The following LARGE1 variants were observed in gnomAD, a reference collection of about 807,000 sequenced individuals.
LARGE1 encodes LARGE xylosyl- and glucuronyltransferase 1.
A neutral mutation model predicts 87.6 loss-of-function variants in LARGE1; 43 were observed. The observed-to-expected ratio is 0.49, with a 90% CI of 0.38 to 0.63. The LOEUF (loss-of-function observed/expected upper bound fraction) is 0.63. Among genes scored for constraint, LARGE1 ranks in the 30% least tolerant of loss-of-function variants. The probability of loss-of-function intolerance (pLI) is 0.00; values close to 1 mark genes in which losing one functional copy is unlikely to be tolerated. For synonymous variants in LARGE1, 434 were observed against 394.6 expected (o/e 1.10, Z -1.18); for missense variants, 802 against 1,000.2 (o/e 0.80, Z 2.67).
intron 5 of LARGE1, among the ~76,000 whole-genome samples, chr22:33,580,376 G>GAA (rs796177762): frequency 7.4e-6 from 1 of 134,330 alleles, no homozygotes; most frequent in Admixed American, 7.5e-5. Flanking sequence ...CACAAAAAAA[G>GAA]AAAAAAAAAA....
At chr22:33,484,541 T>G (rs1288207013) in intron 6 of LARGE1, among the ~76,000 whole-genome samples, 2 of 152,224 alleles carry the variant, frequency 1.3e-5, no homozygotes, top group Non-Finnish European at 2.9e-5. Context: ...TTTGAAGGGC[T>G]GTGACTCTTT....
At chr22:33,314,377 C>T (rs1935927959) in intron 11 of LARGE1, among the ~76,000 whole-genome samples, 1 of 152,154 alleles carries the variant, frequency 6.6e-6, no homozygotes, top group Admixed American at 6.5e-5. Context: ...AGCAAGGAAT[C>T]CACTTCCCTG....
In LARGE1 at chr22:33,743,651, T is replaced by A. The variant is rs902021999; in HGVS notation, c.106+17720A>T. The stretch of plus-strand genomic sequence containing the variant: ...TGTCCACCATAGATCATTCTCTATA[T>A]AGAAGCCAGGCTTATTATTGCTCTT... On this transcript the variant is annotated intron_variant, in intron 2 of 14. Transcript: ENST00000397394. Among the ~76,000 whole-genome samples the A allele has an allele frequency of 4.6e-5, 7 of 152,210 alleles. No homozygotes were observed. The East Asian group carries it at 7.7e-4, about 17-fold the overall frequency.
intron 3 of LARGE1, among the ~76,000 whole-genome samples, 200 bp from the exon 4 acceptor site, chr22:33,626,526 C>T (rs1420225459): frequency 6.6e-6 from 1 of 152,160 alleles, no homozygotes; most frequent in Non-Finnish European, 1.5e-5. Flanking sequence ...GAGCTATTAT[C>T]ATTTGGAAAC....
At chr22:33,635,567 T>C (rs756770042) in intron 3 of LARGE1, among the ~76,000 whole-genome samples, 2 of 152,090 alleles carry the variant, frequency 1.3e-5, no homozygotes, top group Non-Finnish European at 2.9e-5. Context: ...AGAATTTCTA[T>C]ACAGCATTTT....
Position 33,338,870 on chromosome 22 carries a change from G to A in LARGE1, c.1132-1069C>T, listed in dbSNP as rs577656173. On this transcript the variant is annotated intron_variant, in intron 9 of 14. Coordinates refer to ENST00000397394, the MANE Select transcript of LARGE1 (RefSeq NM_133642.5). ...GACGATCAAGAATAAATGAGAGGCC[G>A]GGTGCGGTGGCTCATGCCTGTAATG... is the stretch of plus-strand genomic sequence containing the variant. 4.6e-5 allele frequency among the ~76,000 whole-genome samples: 7 copies of A among 152,228 alleles called. No individual in the cohort carries two copies. The South Asian group carries it at 1.0e-3, about 23-fold the overall frequency.
chr22:33,695,382 G>A (rs150240960), intron 2 of LARGE1, among the ~76,000 whole-genome samples: 159 of 152,270 alleles, frequency 1.0e-3, no homozygotes, highest in African/African-American at 3.7e-3. Flanking sequence ...GGGATACCCA[G>A]CCGTGATTTT....
At chr22:33,643,610 C>T (rs2080511660) in intron 3 of LARGE1, among the ~76,000 whole-genome samples, 1 of 152,048 alleles carries the variant, frequency 6.6e-6, no homozygotes, top group Non-Finnish European at 1.5e-5. Context: ...TCAAAAAAAT[C>T]AGTGAATCCA....
chr22:33,240,963 T>C (rs1056846469), intron 11 of LARGE1, among the ~76,000 whole-genome samples: 1 of 152,134 alleles, frequency 6.6e-6, no homozygotes, highest in Non-Finnish European at 1.5e-5. Context: ...ACAACTTACC[T>C]CCAAATTCAG....
At chr22:33,804,529 C>T (rs1005552138) in intron 1 of LARGE1, among the ~76,000 whole-genome samples, 1 of 152,214 alleles carries the variant, frequency 6.6e-6, no homozygotes, top group African/African-American at 2.4e-5. Context: ...CAGTTCAGCT[C>T]CCTGCTGCTC....
At chr22:33,277,302 G>C in intron 13 of LARGE1, 47 bp from the exon 14 acceptor site, 3 of 1,577,954 alleles carry the variant, frequency 1.9e-6, no homozygotes, top group Non-Finnish European at 2.6e-6. Context: ...AGGAAGCCAA[G>C]CTCTCCAAAT....
At chr22:33,573,512 C>G (rs775875600) in intron 5 of LARGE1, among the ~76,000 whole-genome samples, 6 of 152,136 alleles carry the variant, frequency 3.9e-5, no homozygotes, top group Non-Finnish European at 8.8e-5. Context: ...CAGTTTAGCT[C>G]AGTTGAGATC....
chr22:33,722,020 G>A (rs1006233767), intron 2 of LARGE1, among the ~76,000 whole-genome samples: 9 of 152,202 alleles, frequency 5.9e-5, no homozygotes, highest in African/African-American at 2.2e-4. Flanking sequence ...GGGAGGTCAA[G>A]GCGGTTGGAT....
intron 1 of LARGE1, among the ~76,000 whole-genome samples, chr22:33,786,410 G>A (rs990387180): frequency 2.6e-5 from 4 of 152,158 alleles, no homozygotes; most frequent in African/African-American, 9.7e-5. Context: ...AATTAGATTT[G>A]GTCCCTGGAA....
intron 2 of LARGE1, among the ~76,000 whole-genome samples, chr22:33,754,920 G>T (rs1345040852): frequency 6.6e-6 from 1 of 152,152 alleles, no homozygotes; most frequent in Non-Finnish European, 1.5e-5. Context: ...GCTGAGGGAT[G>T]GGGGAGCAGA....
chr22:33,156,020 C>A, the LARGE1 span, among the ~76,000 whole-genome samples: 1 of 152,074 alleles, frequency 6.6e-6, no homozygotes, highest in Non-Finnish European at 1.5e-5. Flanking sequence ...GCACAGAAGT[C>A]AAAAAATGAA....
chr22:33,304,286 T>C lies in LARGE1; in HGVS notation c.1673A>G (p.Tyr558Cys). The change falls in exon 12 of 15, where the codon TAC (tyrosine) becomes TGC (cysteine). Residue 558 changes from tyrosine to cysteine, a missense_variant. Physicochemically the swap from Tyr to Cys is radical, Grantham distance 194. This residue lies in a region of LARGE1 where 625 missense variants were observed against 841.9 expected (regional missense o/e 0.74). Transcript: ENST00000397394. The part of the protein sequence containing the change: ...NVAMKHISTP[Y>C]MFLSDIDFLP... The stretch of plus-strand genomic sequence containing the variant: ...GAAGTCAATGTCAGACAGGAACATG[T>C]AGGGAGTGCTGATGTGCTTCATGGC... 6.2e-7 allele frequency: 1 copy of C among 1,614,264 alleles called. No individual in the cohort carries two copies. Among genetic ancestry groups the C allele is most frequent in the Non-Finnish European group, 8.5e-7 (1 of 1,180,052 alleles).
intron 5 of LARGE1, among the ~76,000 whole-genome samples, chr22:33,586,916 T>C (rs1181946153): frequency 1.3e-5 from 2 of 152,274 alleles, no homozygotes; most frequent in East Asian, 1.9e-4. Context: ...ACGAGAAAAC[T>C]AGAATACATG....
chr22:33,138,811 A>C, the LARGE1 span, among the ~76,000 whole-genome samples: 309 of 152,160 alleles, frequency 2.0e-3, no homozygotes, highest in Non-Finnish European at 3.5e-3. Context: ...GGAAGGCATG[A>C]ATTGGTTTTG....
Sources: allele counts gnomAD v4.1 joint callset (sites outside exome capture counted in the v4.1 genomes callset), GRCh38; gene constraint gnomAD v4.1.1; regional missense constraint gnomAD v4.1.1; transcripts MANE v1.5; gene names NCBI Gene and HGNC (gene_info 2026-07-23, HGNC 2026-07-21).